Variants in NOTCH1 observed in about 807,000 individuals in gnomAD.
The protein encoded by NOTCH1 is neurogenic locus notch homolog protein 1.
A neutral mutation model predicts 254.8 loss-of-function variants in NOTCH1; 37 were observed. The observed-to-expected ratio is 0.15, with a 90% CI of 0.11 to 0.19. The LOEUF (loss-of-function observed/expected upper bound fraction) is 0.19, where lower values mean the gene tolerates loss of function less well. Among genes scored for constraint, NOTCH1 ranks in the 10% least tolerant of loss-of-function variants. The probability of loss-of-function intolerance (pLI) is 1.00; values close to 1 mark genes in which losing one functional copy is unlikely to be tolerated. For missense variants in NOTCH1, 2,972 were observed against 3,708.6 expected (o/e 0.80, Z 5.16); for synonymous variants, 1,731 against 1,618.1 (o/e 1.07, Z -1.68).
intron 7 of NOTCH1, 32 bp downstream of exon 7, chr9:136,518,105 C>G (rs773092378): frequency 1.3e-6 from 2 of 1,567,146 alleles, no homozygotes; most frequent in Admixed American, 1.8e-5. Context: ...CTGCCACCCC[C>G]ACCTGGCCGC....
intron 2 of NOTCH1, among the ~76,000 whole-genome samples, chr9:136,529,686 G>A (rs2133387316): frequency 6.6e-6 from 1 of 152,370 alleles, no homozygotes; most frequent in African/African-American, 2.4e-5. Flanking sequence ...TCAAACAGCT[G>A]GCTGGAGCCT....
chr9:136,526,808 G>C (rs1275787423), intron 2 of NOTCH1, among the ~76,000 whole-genome samples: 1 of 152,246 alleles, frequency 6.6e-6, no homozygotes, highest in Non-Finnish European at 1.5e-5. Context: ...TAAATCAGGC[G>C]TCGGTGCTCG....
At position 136,506,597 on chromosome 9, in the gene NOTCH1, G is replaced by C. The variant is rs2133342665; in HGVS notation, c.3944C>G (p.Pro1315Arg). Residue 1315 changes from proline (P) to arginine (R), a missense_variant, in exon 24 of 34, where the codon CCC becomes CGC. By Grantham distance (103) the Pro-to-Arg change is moderately radical (BLOSUM62 -2). Transcript: ENST00000651671. This position sits in a 1 kb window ranked among gnomAD's most constrained non-coding sequence, Gnocchi z 4.5. ...ESVINGCKGK[P>R]CKNGGTCAVA... ...GGCGCAGGTGCCCCCATTCTTGCAG[G>C]GCTTGCCTTTGCAGCCATTGATGAC... is the stretch of plus-strand genomic sequence containing the variant. 6.2e-7 allele frequency: 1 copy of C among 1,611,102 alleles called. No individual in the cohort carries two copies. The highest frequency in any genetic ancestry group is 1.8e-4 in the Middle Eastern group (1 of 5,604).
chr9:136,503,023 A>T, intron 27 of NOTCH1, 159 bp downstream of exon 27: 1 of 1,041,812 alleles, frequency 9.6e-7, no homozygotes, highest in Non-Finnish European at 1.4e-6. Flanking sequence ...GTGGGGGCGG[A>T]GTGCCATTCA....
intron 18 of NOTCH1, among the ~76,000 whole-genome samples, chr9:136,509,443 G>A (rs570041428): frequency 1.3e-5 from 2 of 152,290 alleles, no homozygotes; most frequent in Admixed American, 6.5e-5. Flanking sequence ...TGGCAAACAC[G>A]GCAAAAAGGA....
chr9:136,529,729 T>C (rs942389204), intron 2 of NOTCH1, among the ~76,000 whole-genome samples: 22 of 152,266 alleles, frequency 1.4e-4, no homozygotes. Flanking sequence ...AAAGGCGCCC[T>C]GCAGCCGCTG....
chr9:136,510,824 C>T lies in NOTCH1; in HGVS notation c.2588-19G>A. ...GTCTGCCCTGCGGGGCAGGAGGAGG[C>T]CGGTTGGTCACCAGCGGCCCCTGGC... On this transcript the variant is annotated intron_variant, in intron 16 of 33. Coordinates refer to ENST00000651671, the MANE Select transcript of NOTCH1 (RefSeq NM_017617.5). 6.2e-7 allele frequency: 1 copy of T among 1,606,096 alleles called. No homozygotes were observed. Among genetic ancestry groups the T allele is most frequent in the Non-Finnish European group, 8.5e-7 (1 of 1,179,700 alleles).
chr9:136,508,457 G>A (rs2133348031), intron 19 of NOTCH1, 72 bp from the exon 20 acceptor site: 1 of 1,597,830 alleles, frequency 6.3e-7, no homozygotes, highest in Non-Finnish European at 8.5e-7. Context: ...ACGCACATCT[G>A]CCAAGGGGCC....
Position 136,498,999 on chromosome 9 carries a change from G to A in NOTCH1, c.6083-3C>T, listed in dbSNP as rs770358205. ...GGCCCAGTGCAGGGCGGACTTGCCT[G>A]CGTGAAAGAAGCAGATGGGGTAGGT... On this transcript the variant is annotated splice_polypyrimidine_tract_variant and splice_region_variant and intron_variant, in intron 32 of 33. Transcript: ENST00000651671. 13 of 1,613,312 alleles carry A rather than the reference G, an allele frequency of 8.1e-6. No homozygotes were observed. In the South Asian group the frequency reaches 1.4e-4, roughly 18 times the overall value.
chr9:136,523,378 AGCCTGG>A, intron 3 of NOTCH1, among the ~76,000 whole-genome samples, 190 bp from the exon 4 acceptor site: 1 of 152,304 alleles, frequency 6.6e-6, no homozygotes, highest in South Asian at 2.1e-4. Flanking sequence ...AAGAGGCCTG[AGCCTGG>A]GCCGTCTCTT....
In NOTCH1 at chr9:136,495,888, A is replaced by T; in HGVS notation, c.*183T>A. On this transcript the variant is annotated 3_prime_UTR_variant, in exon 34 of 34. Transcript: ENST00000651671. The stretch of plus-strand genomic sequence containing the variant: ...AAACAGTACATATAAATAAAAAGGC[A>T]GTGTTTCTGTGTAAAATAAAAGTAC... 1.5e-6 allele frequency: 1 copy of T among 645,394 alleles called. No homozygotes were observed. Among genetic ancestry groups the T allele is most frequent in the Non-Finnish European group, 2.5e-6 (1 of 393,346 alleles). 40.0% of individuals were successfully genotyped at this position (645,394 alleles called of 1,614,324 possible).
At position 136,513,465 on chromosome 9, in the gene NOTCH1, G is replaced by T. The variant is rs371287009; in HGVS notation, c.2280C>A (p.Asn760Lys). The change falls in exon 14 of 34, where the codon AAC becomes AAA. Residue 760 changes from asparagine to lysine, a missense_variant. Physicochemically the swap from Asn to Lys is moderately conservative, Grantham distance 94. Transcript: ENST00000651671. This position sits in a 1 kb window ranked among gnomAD's most constrained non-coding sequence, Gnocchi z 4.7. ...CDINNNECES[N>K]PCVNGGTCKD... is the part of the protein sequence containing the mutation. ...TGCAGGTGCCGCCGTTGACACAAGG[G>T]TTGGATTCACACTCATTGTTGTTGA... The T allele has an allele frequency of 6.2e-7, 1 of 1,613,242 alleles. No homozygotes were observed. The highest frequency in any genetic ancestry group is 8.5e-7 in the Non-Finnish European group (1 of 1,180,006).
At chr9:136,544,150 C>A in intron 1 of NOTCH1, 48 bp from the exon 2 acceptor site, 12 of 1,513,406 alleles carry the variant, frequency 7.9e-6, no homozygotes, top group Non-Finnish European at 1.1e-5. Context: ...GCACCACCAC[C>A]ACCGAAGGCC....
intron 2 of NOTCH1, among the ~76,000 whole-genome samples, chr9:136,533,617 T>C (rs1356659692): frequency 6.6e-6 from 1 of 152,166 alleles, no homozygotes. Context: ...AGCTGCCCTC[T>C]CTGGCCAGGG....
chr9:136,539,958 ACGGGGCAGCTCAGGCTGG>A (rs1843708101), intron 2 of NOTCH1, among the ~76,000 whole-genome samples: 1 of 152,150 alleles, frequency 6.6e-6, no homozygotes, highest in African/African-American at 2.4e-5. Flanking sequence ...TCGGGAAATG[ACGGGGCAGCTCAGGCTGG>A]CTGGGGCTGT....
chr9:136,523,597 C>A, intron 3 of NOTCH1, 120 bp downstream of exon 3: 1 of 1,301,796 alleles, frequency 7.7e-7, no homozygotes, highest in South Asian at 1.4e-5. Context: ...GGGGCAGGGG[C>A]TCCCAATTAC....
At chr9:136,503,353 G>T in intron 26 of NOTCH1, 23 bp from the exon 27 acceptor site, 1 of 1,612,228 alleles carries the variant, frequency 6.2e-7, no homozygotes. Flanking sequence ...TCAGAGAGGG[G>T]CTGGGACCCG....
At chr9:136,507,207 C>T (rs1020966709) in intron 22 of NOTCH1, 98 bp downstream of exon 22, 10 of 1,593,110 alleles carry the variant, frequency 6.3e-6, no homozygotes, top group African/African-American at 5.4e-5. Flanking sequence ...GAGTTTCTGG[C>T]TGGTTCCTGG....
intron 2 of NOTCH1, among the ~76,000 whole-genome samples, chr9:136,525,901 G>A (rs1190335711): frequency 6.6e-6 from 1 of 152,274 alleles, no homozygotes; most frequent in Non-Finnish European, 1.5e-5. Flanking sequence ...GAACGCAAAA[G>A]GGCCACTCTG....
Sources: allele counts gnomAD v4.1 joint callset (sites outside exome capture counted in the v4.1 genomes callset), GRCh38; gene constraint gnomAD v4.1.1; non-coding constraint Gnocchi (gnomAD v3.1); transcripts MANE v1.5; gene names NCBI Gene and HGNC (gene_info 2026-07-23, HGNC 2026-07-21).